SLC6A4: variants seen among roughly 807,000 people sequenced by gnomAD.
SLC6A4 encodes the protein sodium-dependent serotonin transporter.
A neutral mutation model predicts 73.4 loss-of-function variants in SLC6A4; 22 were observed. That is an observed-to-expected ratio of 0.30 (90% CI 0.21 to 0.43). The LOEUF (loss-of-function observed/expected upper bound fraction) is 0.43. Ranked by LOEUF, SLC6A4 falls within the 20% of genes least tolerant of loss-of-function variation. The pLI, the probability that SLC6A4 is intolerant of heterozygous loss-of-function variation, is 1.00. For missense variants in SLC6A4, 593 were observed against 808.5 expected (o/e 0.73, Z 3.23); for synonymous variants, 270 against 315.5 (o/e 0.86, Z 1.53).
chr17:30,224,253 C>T (rs1047796968), intron 1 of SLC6A4, among the ~76,000 whole-genome samples: 52 of 150,892 alleles, frequency 3.4e-4, no homozygotes, highest in Admixed American at 3.4e-3. Context: ...CAGTCTTGCT[C>T]TGTTGCCCAG....
rs376686126 is a variant in SLC6A4 at position 30,215,670 on chromosome 17, C to T, written c.1017G>A (p.Pro339=). 52 of 1,613,974 alleles carry T rather than the reference C, an allele frequency of 3.2e-5. No homozygotes were observed. The highest frequency in any genetic ancestry group is 5.0e-5 in the Admixed American group (3 of 60,006). ...AAAQIFFSLG[P]GFGVLLAFAS... The stretch of plus-strand genomic sequence containing the variant: ...CAAAAGCCAGCAGGACCCCAAAGCC[C>T]GGACCAAGAGAGAAGAAGATCTGAG... The change falls in exon 8 of 15, where the codon CCG becomes CCA. Residue 339 remains proline (P), a synonymous_variant. Coordinates refer to ENST00000650711, the MANE Select transcript of SLC6A4 (RefSeq NM_001045.6).
At chr17:30,198,562 TC>T in intron 14 of SLC6A4, 32 bp from the exon 15 acceptor site, 1 of 1,276,796 alleles carries the variant, frequency 7.8e-7, no homozygotes, top group Non-Finnish European at 1.1e-6. Context: ...GTTATAAACA[TC>T]CTTGTAATTT....
intron 14 of SLC6A4, among the ~76,000 whole-genome samples, chr17:30,199,126 A>C (rs1905952277): frequency 6.6e-6 from 1 of 152,218 alleles, no homozygotes; most frequent in African/African-American, 2.4e-5. Flanking sequence ...CATCACTTCT[A>C]ATGCAACATT....
intron 3 of SLC6A4, among the ~76,000 whole-genome samples, chr17:30,219,225 G>A (rs1046782254): frequency 5.3e-5 from 8 of 152,188 alleles, no homozygotes; most frequent in Non-Finnish European, 8.8e-5. Context: ...ACTACCTGGA[G>A]AACGCTGGGC....
chr17:30,210,365 G>T, intron 11 of SLC6A4, 150 bp downstream of exon 11: 1 of 753,496 alleles, frequency 1.3e-6, no homozygotes, highest in Non-Finnish European at 2.0e-6. Context: ...TCTTCTCCTT[G>T]ATGACAAACC....
At chr17:30,209,067 TGGTGAAATCAG>T in intron 12 of SLC6A4, 65 bp downstream of exon 12, 2 of 1,003,382 alleles carry the variant, frequency 2.0e-6, no homozygotes, top group African/African-American at 1.6e-5. Flanking sequence ...CAGCCTTTTT[TGGTGAAATCAG>T]CCCTTTGCTA....
intron 14 of SLC6A4, among the ~76,000 whole-genome samples, chr17:30,200,192 C>G (rs538668567): frequency 6.6e-6 from 1 of 152,234 alleles, no homozygotes; most frequent in Non-Finnish European, 1.5e-5. Context: ...TGTGCCCTTA[C>G]CTACCCACAT....
At chr17:30,220,971 C>CTTTTT (rs776589435) in intron 3 of SLC6A4, among the ~76,000 whole-genome samples, 8 of 113,634 alleles carry the variant, frequency 7.0e-5, no homozygotes, top group Non-Finnish European at 1.0e-4. Context: ...GGAGATTTGA[C>CTTTTT]TTTTTTTTTT....
chr17:30,232,879 A>G (rs1295566836), intron 1 of SLC6A4, among the ~76,000 whole-genome samples: 2 of 152,206 alleles, frequency 1.3e-5, no homozygotes, highest in Non-Finnish European at 2.9e-5. Context: ...AATGTGAACC[A>G]AAGTCAGCAC....
At chr17:30,206,507 C>T (rs1439541802) in intron 13 of SLC6A4, 3 of 152,032 alleles carry the variant, frequency 2.0e-5, no homozygotes, top group South Asian at 4.1e-4. Context: ...CTACTTTTGA[C>T]GTGGATTTTT....
intron 2 of SLC6A4, among the ~76,000 whole-genome samples, chr17:30,222,443 C>T (rs549409544): frequency 1.0e-3 from 153 of 152,296 alleles, no homozygotes; most frequent in African/African-American, 3.6e-3. Context: ...AGAGAGGCTC[C>T]AAAGCGTCAC....
intron 1 of SLC6A4, among the ~76,000 whole-genome samples, chr17:30,226,679 G>C (rs565060509): frequency 2.0e-5 from 3 of 151,944 alleles, no homozygotes; most frequent in Non-Finnish European, 4.4e-5. Context: ...CAGCCTGAGT[G>C]ACAAGAGTGA....
chr17:30,222,341 T>C (rs1284816993), intron 2 of SLC6A4, among the ~76,000 whole-genome samples: 3 of 152,190 alleles, frequency 2.0e-5, no homozygotes, highest in Non-Finnish European at 2.9e-5. Flanking sequence ...TCACCAAGGT[T>C]TGCACAGGCT....
intron 3 of SLC6A4, among the ~76,000 whole-genome samples, chr17:30,220,542 G>A (rs1906714323): frequency 6.6e-6 from 1 of 152,162 alleles, no homozygotes; most frequent in Non-Finnish European, 1.5e-5. Flanking sequence ...CGTGGTTTGA[G>A]GTTGGTATTA....
chr17:30,216,080 AC>A lies in SLC6A4; in HGVS notation c.972+1del. The A allele has an allele frequency of 6.2e-7, 1 of 1,612,088 alleles. No individual in the cohort carries two copies. The highest frequency in any genetic ancestry group is 8.5e-7 in the Non-Finnish European group (1 of 1,179,148). On this transcript the variant is annotated splice_donor_variant, in intron 7 of 14. Transcript: ENST00000650711. LOFTEE classifies it high-confidence loss of function. ...GTACACATATTTCCCTCATCATCTT[AC>A]CCCTGTCTCCAGGAGTTTCTGCCAA...
intron 1 of SLC6A4, among the ~76,000 whole-genome samples, chr17:30,232,755 C>A (rs925477524): frequency 6.6e-6 from 1 of 152,218 alleles, no homozygotes; most frequent in South Asian, 2.1e-4. Context: ...TTTAAAAGCG[C>A]GTTGTTGACA....
At chr17:30,202,555 A>G (rs933400688) in intron 14 of SLC6A4, among the ~76,000 whole-genome samples, 1 of 152,208 alleles carries the variant, frequency 6.6e-6, no homozygotes, top group Admixed American at 6.5e-5. Flanking sequence ...TGCTTTGAAA[A>G]TGGCATTCAT....
intron 14 of SLC6A4, among the ~76,000 whole-genome samples, chr17:30,201,625 G>A (rs1030222478): frequency 1.3e-5 from 2 of 152,208 alleles, no homozygotes; most frequent in African/African-American, 4.8e-5. Context: ...GAAGGAATGC[G>A]TTCAATGACT....
In SLC6A4 at chr17:30,209,183, A is replaced by G; in HGVS notation, c.1509T>C (p.Thr503=). The change falls in exon 12 of 15, where the codon ACT becomes ACC. Residue 503 remains threonine, a synonymous_variant. Transcript: ENST00000650711. ...EEYATGPAVL[T]VALIEAVAVS... ...CAGCGACTGCTTCGATCAGCGCGAC[A>G]GTGAGCACTGCGGGCCCCGTGGCAT... 1 of 1,613,926 alleles carries G rather than the reference A, an allele frequency of 6.2e-7. No individual in the cohort carries two copies. The highest frequency in any genetic ancestry group is 8.5e-7 in the Non-Finnish European group (1 of 1,179,876).
Sources: gnomAD v4.1 joint callset for allele counts (sites outside exome capture counted in the v4.1 genomes callset) on GRCh38, gnomAD v4.1.1 for gene constraint, MANE v1.5 for transcripts, NCBI Gene and HGNC (gene_info 2026-07-23, HGNC 2026-07-21) for gene names.